The following DYNC2H1 variants were observed in gnomAD, a reference collection of about 807,000 sequenced individuals.
DYNC2H1 encodes the protein dynein cytoplasmic 2 heavy chain 1.
A neutral mutation model predicts 570.0 loss-of-function variants in DYNC2H1; 410 were observed. The ratio of observed to expected loss-of-function variants is 0.72; its 90% CI spans 0.66 to 0.78. The LOEUF (loss-of-function observed/expected upper bound fraction) is 0.78. DYNC2H1 is among the 30% of genes least tolerant of loss of function. The pLI is 0.00. For missense variants in DYNC2H1, 4,865 were observed against 5,046.4 expected, an observed-to-expected ratio of 0.96 and a Z score of 1.09; for synonymous variants, 1,688 against 1,677.6, an observed-to-expected ratio of 1.01 and a Z score of -0.15.
intron 47 of DYNC2H1, among the ~76,000 whole-genome samples, chr11:103,194,810 T>C (rs1862457221): frequency 6.6e-6 from 1 of 152,140 alleles, no homozygotes; most frequent in African/African-American, 2.4e-5. Flanking sequence ...CTCTACCTCC[T>C]GGGCTCAAGT....
intron 83 of DYNC2H1, among the ~76,000 whole-genome samples, chr11:103,398,090 A>G (rs1044203111): frequency 2.6e-5 from 4 of 152,198 alleles, no homozygotes; most frequent in Non-Finnish European, 4.4e-5. Flanking sequence ...GTACTTGTTA[A>G]TCTTGCTTGG....
In DYNC2H1 at chr11:103,245,444, C is replaced by G; in HGVS notation, c.10042+70C>G. ...CCAAAGTAAGTAATTAAACCAGGTG[C>G]AAGCTTTCAAGAGTCCTCTTCCAGT... On this transcript the variant is annotated intron_variant, in intron 65 of 88. Coordinates refer to ENST00000375735, the MANE Select transcript of DYNC2H1 (RefSeq NM_001377.3). The surrounding 1 kb of genome is among the most constrained non-coding windows in gnomAD (Gnocchi z 4.5). 6.9e-7 allele frequency: 1 copy of G among 1,452,890 alleles called. No homozygotes were observed. The highest frequency in any genetic ancestry group is 2.4e-5 in the Admixed American group (1 of 41,288). The allele number at this position is 1,452,890 out of a possible 1,614,324, so 90.0% of individuals were successfully genotyped here.
rs2134667973 is a variant in DYNC2H1 at position 103,109,696 on chromosome 11, A to G, written c.122A>G (p.Asn41Ser). 2 of 1,613,862 alleles carry G rather than the reference A, an allele frequency of 1.2e-6. No homozygotes were observed. The highest frequency in any genetic ancestry group is 2.2e-5 in the East Asian group (1 of 44,868). ...PLLCNCLEINNFLDDGNQMLL... is the reference protein window; with the variant it reads ...PLLCNCLEINSFLDDGNQMLL... ...TTGTGCAACTGTCTTGAAATCAACA[A>G]CTTCTTGGATGACGGCAACCAGATG... The change falls in exon 1 of 89, where the codon AAC becomes AGC. Residue 41 changes from asparagine (N) to serine (S), a missense_variant. Physicochemically the swap from Asn to Ser is conservative, Grantham distance 46. Transcript: ENST00000375735.
At chr11:103,179,587 G>A (rs1225239355) in intron 39 of DYNC2H1, among the ~76,000 whole-genome samples, 1 of 151,648 alleles carries the variant, frequency 6.6e-6, no homozygotes, top group Non-Finnish European at 1.5e-5. Flanking sequence ...ATAATTTAAA[G>A]CTGAGTAGCA....
rs1860660761 is a variant in DYNC2H1 at position 103,153,383 on chromosome 11, C to A, written c.3177C>A (p.Asp1059Glu). 3 of 1,552,076 alleles carry A rather than the reference C, an allele frequency of 1.9e-6. No homozygotes were observed. Among genetic ancestry groups the A allele is most frequent in the East Asian group, 2.4e-5 (1 of 41,402 alleles). Residue 1059 changes from aspartate (D) to glutamate (E), a missense_variant, in exon 22 of 89, where the codon GAC becomes GAA. Physicochemically the swap from Asp to Glu is conservative, Grantham distance 45. This residue lies in a region of DYNC2H1 where 1,936 missense variants were observed against 1,962.1 expected (regional missense o/e 0.99). Coordinates refer to ENST00000375735, the MANE Select transcript of DYNC2H1 (RefSeq NM_001377.3). ...TGGAAAAATTTAAAGCTCGTTGGGA[C>A]CAACTAAAGCCTGGTGATGATGTTA... Reference protein sequence around the residue: ...QELEKFKARWDQLKPGDDVIE... With the variant: ...QELEKFKARWEQLKPGDDVIE...
chr11:103,237,642 A>G (rs955769148), intron 63 of DYNC2H1, among the ~76,000 whole-genome samples: 2 of 151,956 alleles, frequency 1.3e-5, no homozygotes, highest in Admixed American at 6.6e-5. Flanking sequence ...ATAGCAAACT[A>G]TATGCTTTTT....
rs548434479 is a variant in DYNC2H1, at chr11:103,170,852, T to C, written c.5152-34T>C. ...GTAGTTATGGAGATTTTGATTATTT[T>C]TTAATGACTATAATTTTTATTGTTG... is the stretch of plus-strand genomic sequence containing the variant. On this transcript the variant is annotated intron_variant, in intron 33 of 88. Transcript: ENST00000375735. The surrounding 1 kb of genome is among the most constrained non-coding windows in gnomAD (Gnocchi z 4.8). 7.2e-7 allele frequency: 1 copy of C among 1,394,218 alleles called. No homozygotes were observed. The highest frequency in any genetic ancestry group is 1.4e-5 in the African/African-American group (1 of 69,250). 86.4% of individuals were successfully genotyped at this position (1,394,218 alleles called of 1,614,324 possible). A position where few individuals can be genotyped will look rare whatever the true frequency, so the allele number is the denominator to read the frequency against.
chr11:103,388,898 G>T (rs981141699), intron 83 of DYNC2H1, among the ~76,000 whole-genome samples: 9 of 152,068 alleles, frequency 5.9e-5, no homozygotes, highest in African/African-American at 2.2e-4. Flanking sequence ...TGCTGGATTT[G>T]GTTTGCCAGT....
At chr11:103,260,555 C>T (rs1371656837) in intron 70 of DYNC2H1, among the ~76,000 whole-genome samples, 1 of 151,794 alleles carries the variant, frequency 6.6e-6, no homozygotes, top group Non-Finnish European at 1.5e-5. Flanking sequence ...GAAGAGAACA[C>T]ACATCGGACA....
intron 75 of DYNC2H1, among the ~76,000 whole-genome samples, chr11:103,291,779 A>G (rs959309169): frequency 6.6e-6 from 1 of 152,148 alleles, no homozygotes; most frequent in African/African-American, 2.4e-5. Flanking sequence ...AATTCTGCTG[A>G]ATTGACTTCT....
intron 4 of DYNC2H1, 148 bp from the exon 5 acceptor site, chr11:103,116,422 A>G (rs1858398336): frequency 2.2e-6 from 1 of 446,670 alleles, no homozygotes; most frequent in Non-Finnish European, 3.8e-6. Context: ...TTGCATATGG[A>G]AGTAGTTATA....
At chr11:103,140,562 GT>G (rs1859853912) in intron 17 of DYNC2H1, among the ~76,000 whole-genome samples, 1 of 152,172 alleles carries the variant, frequency 6.6e-6, no homozygotes, top group Admixed American at 6.5e-5. Flanking sequence ...GGCTTGTAGA[GT>G]TTCTGCTGAG....
chr11:103,246,809 T>G (rs1433524712), intron 65 of DYNC2H1, among the ~76,000 whole-genome samples: 1 of 152,070 alleles, frequency 6.6e-6, no homozygotes, highest in Non-Finnish European at 1.5e-5. Context: ...GTGCCAAGTT[T>G]GTTTACATCC....
rs1343657760 is a variant in DYNC2H1 at position 103,117,839 on chromosome 11, C to T, written c.975C>T (p.Asp325=). 2.5e-6 allele frequency: 4 copies of T among 1,611,934 alleles called. No individual in the cohort carries two copies. In the Admixed American group the frequency reaches 5.0e-5, roughly 20 times the overall value. ...KNEKYFPETL[D]KLGKRLEEVL... is the part of the protein sequence containing the mutation. ...AAAAATATTTTCCAGAAACACTTGA[C>T]AAACTTGGCAAACGCCTTGAAGAGG... The change falls in exon 6 of 89, where the codon GAC becomes GAT. Residue 325 remains aspartate (D), a synonymous_variant. Coordinates refer to ENST00000375735, the MANE Select transcript of DYNC2H1 (RefSeq NM_001377.3).
At chr11:103,320,655 G>A (rs1938136284) in intron 80 of DYNC2H1, among the ~76,000 whole-genome samples, 1 of 152,168 alleles carries the variant, frequency 6.6e-6, no homozygotes, top group Non-Finnish European at 1.5e-5. Context: ...CCAGGATTGT[G>A]TGGCAGATAA....
chr11:103,176,733 T>G (rs946414635), intron 37 of DYNC2H1, among the ~76,000 whole-genome samples: 2 of 152,046 alleles, frequency 1.3e-5, no homozygotes, highest in Non-Finnish European at 2.9e-5. Flanking sequence ...TGAGACAGAG[T>G]CTTGCTTTGT....
At position 103,206,192 on chromosome 11, in the gene DYNC2H1, T is replaced by C. The variant is rs189594835; in HGVS notation, c.8454+1228T>C. Among the ~76,000 whole-genome samples the C allele has an allele frequency of 9.9e-5, 15 of 152,072 alleles. No homozygotes were observed. The East Asian group carries it at 2.9e-3, about 29-fold the overall frequency. On this transcript the variant is annotated intron_variant, in intron 52 of 88. Coordinates refer to ENST00000375735, the MANE Select transcript of DYNC2H1 (RefSeq NM_001377.3). Reference sequence around the variant, plus strand: ...GATTTGCTGACAGATTGTAATAAGGTGTAACAGAAAGTGAGGGGTCAATGA... The same window carrying C: ...GATTTGCTGACAGATTGTAATAAGGCGTAACAGAAAGTGAGGGGTCAATGA...
At chr11:103,301,938 C>T (rs770510653) in intron 75 of DYNC2H1, among the ~76,000 whole-genome samples, 1 of 151,828 alleles carries the variant, frequency 6.6e-6, no homozygotes, top group Admixed American at 6.6e-5. Flanking sequence ...CCTAATTTTT[C>T]GTTTATTTTT....
chr11:103,133,764 TAA>T lies in DYNC2H1; in HGVS notation c.2106+58_2106+59del. The T allele has an allele frequency of 6.9e-7, 1 of 1,449,864 alleles. No homozygotes were observed. The highest frequency in any genetic ancestry group is 9.2e-7 in the Non-Finnish European group (1 of 1,086,374). The allele number at this position is 1,449,864 out of a possible 1,614,324, so 89.8% of individuals were successfully genotyped here. Reference sequence around the variant, plus strand: ...TGAATGATATTATTTAAAAAGTCATTAAGATACAATTTTTAAAAACTTATTTT... The same window carrying T: ...TGAATGATATTATTTAAAAAGTCATTGATACAATTTTTAAAAACTTATTTT... On this transcript the variant is annotated intron_variant, in intron 14 of 88. Transcript: ENST00000375735. The surrounding 1 kb of genome is among the most constrained non-coding windows in gnomAD (Gnocchi z 4.8).
Sources: allele counts gnomAD v4.1 joint callset (sites outside exome capture counted in the v4.1 genomes callset), GRCh38; gene constraint gnomAD v4.1.1; regional missense constraint gnomAD v4.1.1; non-coding constraint Gnocchi (gnomAD v3.1); transcripts MANE v1.5; gene names NCBI Gene and HGNC (gene_info 2026-07-23, HGNC 2026-07-21).